Variants in FHAD1 observed in about 807,000 individuals in gnomAD.
FHAD1 encodes forkhead-associated domain-containing protein 1.
A neutral mutation model predicts 191.3 loss-of-function variants in FHAD1; 146 were observed. The observed-to-expected ratio is 0.76, with a 90% CI of 0.67 to 0.88. The LOEUF is 0.88. FHAD1 is among the 40% of genes least tolerant of loss of function. FHAD1 has a pLI of 0.00. For synonymous variants in FHAD1, 616 were observed against 672.3 expected (o/e 0.92, Z 1.29); for missense variants, 1,635 against 1,785.8 (o/e 0.92, Z 1.52).
chr1:15,255,681 C>T (rs578172693), intron 2 of FHAD1, among the ~76,000 whole-genome samples: 402 of 151,518 alleles, frequency 2.7e-3, no homozygotes, highest in African/African-American at 9.3e-3. Context: ...TTCAAGCCTA[C>T]GTCAGGGCTC....
chr1:15,326,980 G>A (rs1221346226), intron 11 of FHAD1, 79 bp from the exon 12 acceptor site: 4 of 847,784 alleles, frequency 4.7e-6, no homozygotes, highest in Admixed American at 2.1e-5. Context: ...GGTGTTTCCC[G>A]CACCCTGCCA....
rs1415924624 is a variant in FHAD1, at chr1:15,328,149, C to T, written c.1558-128C>T. 6.0e-6 allele frequency: 4 copies of T among 666,814 alleles called. No homozygotes were observed. In the East Asian group the frequency reaches 1.3e-4, roughly 21 times the overall value. The allele number at this position is 666,814 out of a possible 1,614,324, so 41.3% of individuals were successfully genotyped here. ...CCATCACCAAGACATATCAGGACCT[C>T]TGTCCTCCCGTGCTTAGACAGGGAC... On this transcript the variant is annotated intron_variant, in intron 12 of 33. Coordinates refer to ENST00000688493, the MANE Select transcript of FHAD1 (RefSeq NM_001391957.1).
intron 6 of FHAD1, among the ~76,000 whole-genome samples, chr1:15,306,986 G>A (rs533405299): frequency 3.9e-5 from 6 of 152,158 alleles, no homozygotes; most frequent in African/African-American, 7.2e-5. Flanking sequence ...GGCTTGAATC[G>A]TACTCCTGGA....
At chr1:15,402,628 T>C (rs1046625812), downstream of FHAD1, among the ~76,000 whole-genome samples, 4 of 152,208 alleles carry the variant, frequency 2.6e-5, no homozygotes, top group African/African-American at 9.7e-5. Flanking sequence ...TGAGACACTA[T>C]GCAAAGCGTG....
chr1:15,380,042 C>T (rs1700551561), intron 28 of FHAD1, among the ~76,000 whole-genome samples: 1 of 152,214 alleles, frequency 6.6e-6, no homozygotes, highest in South Asian at 2.1e-4. Flanking sequence ...CGTCCAGTTT[C>T]CGCTGCGTGA....
At chr1:15,326,013 A>C (rs1678421308) in intron 11 of FHAD1, 2 of 152,266 alleles carry the variant, frequency 1.3e-5, no homozygotes, top group Admixed American at 6.5e-5. Context: ...CTACACAGTC[A>C]ATTCTTTGGG....
chr1:15,357,421 G>A (rs1045169477), intron 20 of FHAD1, among the ~76,000 whole-genome samples: 2 of 151,932 alleles, frequency 1.3e-5, no homozygotes, highest in Non-Finnish European at 2.9e-5. Context: ...TCAAGAGATC[G>A]AGACCAGCCT....
intron 3 of FHAD1, among the ~76,000 whole-genome samples, chr1:15,277,602 C>G (rs1384651761): frequency 6.6e-6 from 1 of 152,184 alleles, no homozygotes; most frequent in Non-Finnish European, 1.5e-5. Flanking sequence ...GCCCAGAGCA[C>G]CTCGGTCACC....
intron 2 of FHAD1, among the ~76,000 whole-genome samples, chr1:15,259,234 T>C (rs1649842335): frequency 6.6e-6 from 1 of 152,202 alleles, no homozygotes; most frequent in Admixed American, 6.5e-5. Context: ...TATAGACTAG[T>C]TATGAGGCAT....
At position 15,292,788 on chromosome 1, in the gene FHAD1, C is replaced by T. The variant is rs939112287; in HGVS notation, c.568+3122C>T. Among the ~76,000 whole-genome samples, 4 of 152,108 alleles carry T rather than the reference C, an allele frequency of 2.6e-5. No individual in the cohort carries two copies. The South Asian group carries it at 8.3e-4, about 32-fold the overall frequency. On this transcript the variant is annotated intron_variant, in intron 4 of 33. Coordinates refer to ENST00000688493, the MANE Select transcript of FHAD1 (RefSeq NM_001391957.1). Reference sequence around the variant, plus strand: ...CCCGGCCAACACCTTGATCTTTCAACCTCTAAAACTTGAAAAAATAAATTG... The same window carrying T: ...CCCGGCCAACACCTTGATCTTTCAATCTCTAAAACTTGAAAAAATAAATTG...
upstream of FHAD1, among the ~76,000 whole-genome samples, chr1:15,242,886 C>G (rs1397703853): frequency 6.6e-6 from 1 of 152,210 alleles, no homozygotes; most frequent in Non-Finnish European, 1.5e-5. Flanking sequence ...TCCATTGTTT[C>G]ATACGTCTTA....
At chr1:15,296,914 T>A in intron 5 of FHAD1, 121 bp downstream of exon 5, 1 of 702,850 alleles carries the variant, frequency 1.4e-6, no homozygotes. Flanking sequence ...AAACCACCTC[T>A]TACTCCCCAA....
chr1:15,304,150 A>G (rs904941328), intron 6 of FHAD1, among the ~76,000 whole-genome samples: 16 of 152,228 alleles, frequency 1.1e-4, no homozygotes, highest in African/African-American at 3.9e-4. Context: ...TTTGCTCTCA[A>G]AGCCCTTCGA....
intron 23 of FHAD1, chr1:15,363,902 C>A (rs536291174): frequency 1.5e-5 from 6 of 407,918 alleles, no homozygotes; most frequent in South Asian, 3.5e-5. Context: ...CCTGCCTGAC[C>A]CTTGCACCAA....
In FHAD1 at chr1:15,316,759, A is replaced by G. The variant is rs1674585309; in HGVS notation, c.1260+292A>G. Among the ~76,000 whole-genome samples, 1 of 152,182 alleles carries G rather than the reference A, an allele frequency of 6.6e-6. No homozygotes were observed. The highest frequency in any genetic ancestry group is 2.4e-5 in the African/African-American group (1 of 41,444). On this transcript the variant is annotated intron_variant, in intron 9 of 33. Coordinates refer to ENST00000688493, the MANE Select transcript of FHAD1 (RefSeq NM_001391957.1). This position sits in a 1 kb window ranked among gnomAD's most constrained non-coding sequence, Gnocchi z 4.3. ...AGGAGGCTGGCCAGCTGGCCACCAC[A>G]TGGTCCCCTGCCCCACCCCTGACCT...
intron 3 of FHAD1, among the ~76,000 whole-genome samples, chr1:15,284,351 C>T (rs8179499): frequency 0.25 from 38,272 of 151,736 alleles, 5,217 homozygotes; most frequent in East Asian, 0.54. Flanking sequence ...TGGTGGTGGG[C>T]GCCTGTAGTC....
Position 15,388,705 on chromosome 1 carries a change from C to T in FHAD1, c.4269+574C>T, listed in dbSNP as rs143860775. ...TTACTCCGACCTTCCTGGCAGCCAA[C>T]GAGAAATGGGAAACCAACTTGGTCA... On this transcript the variant is annotated intron_variant, in intron 32 of 33. Transcript: ENST00000688493. Among the ~76,000 whole-genome samples the T allele has an allele frequency of 3.2e-3, 492 of 152,162 alleles. 5 individuals are homozygous for T. Among genetic ancestry groups the T allele is most frequent in the African/African-American group, 0.011 (445 of 41,532 alleles).
intron 14 of FHAD1, among the ~76,000 whole-genome samples, chr1:15,332,144 A>G (rs1242393488): frequency 1.3e-5 from 2 of 152,184 alleles, no homozygotes; most frequent in African/African-American, 4.8e-5. Flanking sequence ...AACCAACATT[A>G]ATTTTTATGT....
chr1:15,375,081 C>T (rs978690141), intron 27 of FHAD1, among the ~76,000 whole-genome samples: 1 of 152,076 alleles, frequency 6.6e-6, no homozygotes, highest in Admixed American at 6.5e-5. Context: ...TGGTCTTGAA[C>T]TCCTGACCTT....
Sources: allele counts gnomAD v4.1 joint callset (sites outside exome capture counted in the v4.1 genomes callset), GRCh38; gene constraint gnomAD v4.1.1; non-coding constraint Gnocchi (gnomAD v3.1); transcripts MANE v1.5; gene names NCBI Gene and HGNC (gene_info 2026-07-23, HGNC 2026-07-21).